NXPH1: variants seen among roughly 807,000 people sequenced by gnomAD.
NXPH1 encodes neurexophilin-1.
In NXPH1, 5 loss-of-function variants were observed where a neutral mutation model predicts 23.7. That is an observed-to-expected ratio of 0.21 (90% confidence interval 0.11 to 0.44). The LOEUF (loss-of-function observed/expected upper bound fraction) is 0.44. Among genes scored for constraint, NXPH1 ranks in the 20% least tolerant of loss-of-function variants. The probability of loss-of-function intolerance (pLI) is 0.99; values close to 1 mark genes in which losing one functional copy is unlikely to be tolerated. For missense variants in NXPH1, 324 were observed against 321.6 expected, an observed-to-expected ratio of 1.01 and a Z score of -0.06; for synonymous variants, 144 against 122.2, an observed-to-expected ratio of 1.18 and a Z score of -1.18.
chr7:8,575,615 A>G (rs1477187707), intron 2 of NXPH1, among the ~76,000 whole-genome samples: 1 of 152,178 alleles, frequency 6.6e-6, no homozygotes, highest in Non-Finnish European at 1.5e-5. Flanking sequence ...CATATTTTCA[A>G]TGTGAATAGA....
rs1440267072 is a variant in NXPH1, at chr7:8,752,002, C to G, written c.*233C>G. On this transcript the variant is annotated 3_prime_UTR_variant, in exon 3 of 3. Transcript: ENST00000405863. ...CAGATTTTGAATTCACACCTGAAGA[C>G]ATGCTCTCACATATAGAGGTACACA... 2 of 491,290 alleles carry G rather than the reference C, an allele frequency of 4.1e-6. No homozygotes were observed. Among genetic ancestry groups the G allele is most frequent in the East Asian group, 6.5e-5 (2 of 30,854 alleles). The allele number at this position is 491,290 out of a possible 1,614,324, so 30.4% of individuals were successfully genotyped here.
chr7:8,611,440 G>T (rs1444463639), intron 2 of NXPH1, among the ~76,000 whole-genome samples: 1 of 152,120 alleles, frequency 6.6e-6, no homozygotes, highest in Non-Finnish European at 1.5e-5. Context: ...CTGAAGAAAT[G>T]AGCATAAAGT....
intron 2 of NXPH1, among the ~76,000 whole-genome samples, chr7:8,509,855 C>T (rs182319206): frequency 1.3e-5 from 2 of 152,132 alleles, no homozygotes; most frequent in Non-Finnish European, 2.9e-5. Flanking sequence ...AGCTGGGCAA[C>T]AACATTTTTT....
chr7:8,581,961 C>T (rs761044309), intron 2 of NXPH1, among the ~76,000 whole-genome samples: 1 of 152,182 alleles, frequency 6.6e-6, no homozygotes, highest in Non-Finnish European at 1.5e-5. Flanking sequence ...CTATACCTGC[C>T]AAGGGCGAGA....
chr7:8,437,022 A>G (rs916029382), intron 2 of NXPH1, among the ~76,000 whole-genome samples: 1 of 152,100 alleles, frequency 6.6e-6, no homozygotes, highest in Admixed American at 6.5e-5. Flanking sequence ...CAATCCAAGA[A>G]CCCTCAATGT....
chr7:8,536,711 T>G (rs574838279), intron 2 of NXPH1, among the ~76,000 whole-genome samples: 1 of 152,038 alleles, frequency 6.6e-6, no homozygotes, highest in South Asian at 2.1e-4. Flanking sequence ...GAAGAGAGAC[T>G]GTTTAGAAAT....
At chr7:8,563,275 A>G (rs1818479647) in intron 2 of NXPH1, among the ~76,000 whole-genome samples, 1 of 151,730 alleles carries the variant, frequency 6.6e-6, no homozygotes, top group Non-Finnish European at 1.5e-5. Flanking sequence ...ATTGTTGTGT[A>G]TTTTAAAAAA....
intron 2 of NXPH1, among the ~76,000 whole-genome samples, chr7:8,576,689 T>C (rs974056942): frequency 6.6e-6 from 1 of 151,998 alleles, no homozygotes; most frequent in Non-Finnish European, 1.5e-5. Flanking sequence ...AAAAAGGATC[T>C]AGGAGATAGT....
At chr7:8,509,869 G>A (rs1432911540) in intron 2 of NXPH1, among the ~76,000 whole-genome samples, 1 of 152,124 alleles carries the variant, frequency 6.6e-6, no homozygotes, top group Non-Finnish European at 1.5e-5. Context: ...ATTTTTTCAT[G>A]TAGCTGAGAA....
chr7:8,641,884 A>T (rs763130554), intron 2 of NXPH1, among the ~76,000 whole-genome samples: 12 of 152,186 alleles, frequency 7.9e-5, no homozygotes, highest in Non-Finnish European at 1.6e-4. Flanking sequence ...ATCACTAATT[A>T]TCCTCTTCAC....
chr7:8,559,704 T>C (rs905198983), intron 2 of NXPH1, among the ~76,000 whole-genome samples: 2 of 151,662 alleles, frequency 1.3e-5, no homozygotes, highest in Admixed American at 1.3e-4. Flanking sequence ...GTAGACCTTA[T>C]AGGTTTAGGT....
At chr7:8,533,289 T>C (rs537100133) in intron 2 of NXPH1, among the ~76,000 whole-genome samples, 3 of 152,294 alleles carry the variant, frequency 2.0e-5, no homozygotes, top group African/African-American at 7.2e-5. Context: ...GTTGTCTTCC[T>C]GGTTAATCTG....
intron 2 of NXPH1, among the ~76,000 whole-genome samples, chr7:8,648,307 TCCC>T (rs1820428514): frequency 1.3e-5 from 2 of 152,108 alleles, no homozygotes; most frequent in South Asian, 4.1e-4. Context: ...CTACACCCAA[TCCC>T]CCCACTACCT....
chr7:8,647,957 T>C (rs80202336), intron 2 of NXPH1, among the ~76,000 whole-genome samples: 6,165 of 152,246 alleles, frequency 0.04, 305 homozygotes, highest in East Asian at 0.17. Context: ...TAATTTTTAG[T>C]CAAAATATTA....
At chr7:8,624,646 G>T (rs974683106) in intron 2 of NXPH1, among the ~76,000 whole-genome samples, 5 of 152,078 alleles carry the variant, frequency 3.3e-5, no homozygotes, top group Non-Finnish European at 7.4e-5. Context: ...ATGAATGAAT[G>T]AATGGAGTTG....
At chr7:8,575,660 C>A (rs1225004259) in intron 2 of NXPH1, among the ~76,000 whole-genome samples, 5 of 152,018 alleles carry the variant, frequency 3.3e-5, no homozygotes, top group Non-Finnish European at 7.4e-5. Flanking sequence ...TAGGCCTATG[C>A]ACTTAATATA....
chr7:8,475,072 G>T (rs1280742669), intron 2 of NXPH1, among the ~76,000 whole-genome samples: 2 of 152,124 alleles, frequency 1.3e-5, no homozygotes, highest in Non-Finnish European at 2.9e-5. Context: ...TGACTGGGGG[G>T]TGGGAAGAGG....
At chr7:8,458,438 T>C (rs1010838379) in intron 2 of NXPH1, among the ~76,000 whole-genome samples, 3 of 152,200 alleles carry the variant, frequency 2.0e-5, no homozygotes, top group Non-Finnish European at 4.4e-5. Flanking sequence ...CAGTTTTGGG[T>C]AAGGCTTAGA....
chr7:8,528,637 CT>C (rs1480180694), intron 2 of NXPH1, among the ~76,000 whole-genome samples: 1 of 152,112 alleles, frequency 6.6e-6, no homozygotes, highest in East Asian at 1.9e-4. Flanking sequence ...GAAGGAACAG[CT>C]TTAGTTTGCT....
Sources: gnomAD v4.1 joint callset for allele counts (sites outside exome capture counted in the v4.1 genomes callset) on GRCh38, gnomAD v4.1.1 for gene constraint, MANE v1.5 for transcripts, NCBI Gene and HGNC (gene_info 2026-07-23, HGNC 2026-07-21) for gene names.